The following CHL1 variants were observed in gnomAD, a reference collection of about 807,000 sequenced individuals.
CHL1 encodes the protein cell adhesion molecule L1 like.
CHL1 carries 96 observed loss-of-function variants against 141.9 expected under a neutral mutation model. The observed-to-expected ratio is 0.68, with a 90% CI of 0.57 to 0.80. The LOEUF (loss-of-function observed/expected upper bound fraction) is 0.80, where lower values mean the gene tolerates loss of function less well. CHL1 is among the 30% of genes least tolerant of loss of function. CHL1 has a pLI of 0.00. For missense variants in CHL1, 1,820 were observed against 1,457.2 expected, an observed-to-expected ratio of 1.25 and a Z score of -4.05; for synonymous variants, 613 against 502.2, an observed-to-expected ratio of 1.22 and a Z score of -2.95.
intron 9 of CHL1, among the ~76,000 whole-genome samples, chr3:346,190 A>G (rs892122019): frequency 6.6e-6 from 1 of 152,190 alleles, no homozygotes; most frequent in Non-Finnish European, 1.5e-5. Flanking sequence ...AAGCTTTGTA[A>G]GTTTCTCTTT....
intron 2 of CHL1, among the ~76,000 whole-genome samples, chr3:272,237 A>G (rs1015755973): frequency 1.3e-5 from 2 of 152,200 alleles, no homozygotes; most frequent in African/African-American, 4.8e-5. Flanking sequence ...TGCCAAAAAT[A>G]TTGGGGTGCC....
intron 2 of CHL1, among the ~76,000 whole-genome samples, chr3:306,576 A>G (rs938303941): frequency 3.3e-5 from 5 of 152,184 alleles, no homozygotes; most frequent in African/African-American, 1.2e-4. Context: ...CAGATTTTAG[A>G]GGAAAATAAG....
chr3:391,109 A>G lies in CHL1; in HGVS notation c.2741A>G (p.Lys914Arg), dbSNP rs747568926. The G allele has an allele frequency of 1.2e-5, 20 of 1,613,838 alleles. No individual in the cohort carries two copies. In the South Asian group the frequency reaches 2.1e-4, roughly 17 times the overall value. The change falls in exon 22 of 28, where the codon AAA becomes AGA. Residue 914 changes from lysine to arginine, a missense_variant. Coordinates refer to ENST00000256509, the MANE Select transcript of CHL1 (RefSeq NM_006614.4). Reference protein sequence around the residue: ...FHLTVLAYNSKGAGPESEPYI... With the variant: ...FHLTVLAYNSRGAGPESEPYI... ...TTAACAGTCTTAGCCTATAACTCTAAAGGAGCTGGTCCTGAAAGTGAGCCT... is the reference window on the plus strand; with the variant it reads ...TTAACAGTCTTAGCCTATAACTCTAGAGGAGCTGGTCCTGAAAGTGAGCCT...
chr3:314,684 T>C (rs1229309216), intron 2 of CHL1, among the ~76,000 whole-genome samples: 2 of 151,990 alleles, frequency 1.3e-5, no homozygotes, highest in Middle Eastern at 6.8e-3. Flanking sequence ...GGGCAAAATG[T>C]CTCTTATCTT....
intron 21 of CHL1, 23 bp downstream of exon 21, chr3:390,839 C>G: frequency 6.5e-7 from 1 of 1,529,056 alleles, no homozygotes; most frequent in Non-Finnish European, 9.1e-7. Context: ...ATGGTTTTTC[C>G]TCTTCTTGTT....
chr3:368,835 A>G (rs547271371), intron 15 of CHL1, among the ~76,000 whole-genome samples: 2 of 152,300 alleles, frequency 1.3e-5, no homozygotes, highest in Non-Finnish European at 2.9e-5. Flanking sequence ...TCCCAGCACC[A>G]TTTGTTGAAT....
In CHL1 at chr3:210,707, A is replaced by C. The variant is rs190997035; in HGVS notation, c.-175+13644A>C. Among the ~76,000 whole-genome samples the C allele has an allele frequency of 2.9e-4, 44 of 152,372 alleles. 1 individual carries two copies. In the South Asian group the frequency reaches 4.1e-3, roughly 14 times the overall value. The stretch of plus-strand genomic sequence containing the variant: ...GAAAGACATGCTAATTAACAGAATT[A>C]TTAAACCCATTGTGATACACCATTC... On this transcript the variant is annotated intron_variant, in intron 1 of 27. Transcript: ENST00000256509.
intron 1 of CHL1, among the ~76,000 whole-genome samples, chr3:215,700 G>C (rs1700261664): frequency 6.6e-6 from 1 of 151,880 alleles, no homozygotes; most frequent in Non-Finnish European, 1.5e-5. Flanking sequence ...ATTGTCATGG[G>C]TTTGCTCTTT....
intron 2 of CHL1, among the ~76,000 whole-genome samples, chr3:253,555 A>C (rs1221379331): frequency 1.3e-5 from 2 of 152,134 alleles, no homozygotes; most frequent in African/African-American, 4.8e-5. Flanking sequence ...GCTTAGTTTG[A>C]TTTGGGTTCC....
At chr3:395,376 A>T (rs1708586062) in intron 24 of CHL1, among the ~76,000 whole-genome samples, 2 of 152,218 alleles carry the variant, frequency 1.3e-5, no homozygotes, top group African/African-American at 4.8e-5. Context: ...GAAATGGCTT[A>T]TAAATGTATG....
At chr3:279,748 T>C (rs1187196503) in intron 2 of CHL1, among the ~76,000 whole-genome samples, 4 of 152,154 alleles carry the variant, frequency 2.6e-5, no homozygotes, top group Non-Finnish European at 4.4e-5. Flanking sequence ...GGAGGAAAGA[T>C]AGTACCAGAG....
At chr3:312,304 C>T (rs536876002) in intron 2 of CHL1, among the ~76,000 whole-genome samples, 1 of 152,264 alleles carries the variant, frequency 6.6e-6, no homozygotes, top group African/African-American at 2.4e-5. Flanking sequence ...ACACTCTAAG[C>T]AGTTCTTTTG....
At chr3:229,511 A>G (rs1293766645) in intron 1 of CHL1, among the ~76,000 whole-genome samples, 1 of 152,248 alleles carries the variant, frequency 6.6e-6, no homozygotes, top group Non-Finnish European at 1.5e-5. Context: ...GCGAATGTTC[A>G]AAGAAGTGTT....
chr3:368,762 A>G (rs942744623), intron 15 of CHL1, among the ~76,000 whole-genome samples: 1 of 152,134 alleles, frequency 6.6e-6, no homozygotes, highest in African/African-American at 2.4e-5. Flanking sequence ...TCTTGAATTA[A>G]TTTTTGTTTA....
chr3:216,820 A>T (rs1316408445), intron 1 of CHL1, among the ~76,000 whole-genome samples: 2 of 152,230 alleles, frequency 1.3e-5, no homozygotes, highest in African/African-American at 4.8e-5. Flanking sequence ...TTCCTTAAGC[A>T]ATGCTGATAT....
At chr3:208,552 T>C (rs1379352991) in intron 1 of CHL1, among the ~76,000 whole-genome samples, 1 of 152,136 alleles carries the variant, frequency 6.6e-6, no homozygotes, top group Non-Finnish European at 1.5e-5. Flanking sequence ...ATGAAGGGAG[T>C]GGAAGGCTTG....
At chr3:335,952 T>G (rs770454147) in intron 5 of CHL1, among the ~76,000 whole-genome samples, 76 of 152,244 alleles carry the variant, frequency 5.0e-4, no homozygotes, top group Non-Finnish European at 7.6e-4. Context: ...GAATAATTTT[T>G]AAGTGCTTGC....
chr3:261,457 G>T (rs1694712668), intron 2 of CHL1, among the ~76,000 whole-genome samples: 1 of 152,006 alleles, frequency 6.6e-6, no homozygotes, highest in African/African-American at 2.4e-5. Context: ...AAGGCCAGTT[G>T]CTACTTAAAA....
At chr3:227,822 G>A (rs1282150331) in intron 1 of CHL1, among the ~76,000 whole-genome samples, 1 of 152,166 alleles carries the variant, frequency 6.6e-6, no homozygotes, top group Non-Finnish European at 1.5e-5. Flanking sequence ...TAGTGATTTT[G>A]TTACAGTATT....
Sources: gnomAD v4.1 joint callset for allele counts (sites outside exome capture counted in the v4.1 genomes callset) on GRCh38, gnomAD v4.1.1 for gene constraint, MANE v1.5 for transcripts, NCBI Gene and HGNC (gene_info 2026-07-23, HGNC 2026-07-21) for gene names.